The following OPA1 variants were observed in gnomAD, a reference collection of about 807,000 sequenced individuals.
The protein encoded by OPA1 is dynamin-like GTPase OPA1, mitochondrial.
A neutral mutation model predicts 152.9 loss-of-function variants in OPA1; 59 were observed. That is an observed-to-expected ratio of 0.39 (90% CI 0.31 to 0.48). The LOEUF is 0.48. Among genes scored for constraint, OPA1 ranks in the 20% least tolerant of loss-of-function variants. The pLI, the probability that OPA1 is intolerant of heterozygous loss-of-function variation, is 0.96. For synonymous variants in OPA1, 400 were observed against 389.9 expected, an observed-to-expected ratio of 1.03 and a Z score of -0.31; for missense variants, 1,008 against 1,216.8, an observed-to-expected ratio of 0.83 and a Z score of 2.55.
At chr3:193,598,369 G>A (rs1367843121) in intron 1 of OPA1, among the ~76,000 whole-genome samples, 1 of 152,152 alleles carries the variant, frequency 6.6e-6, no homozygotes, top group African/African-American at 2.4e-5. Flanking sequence ...AGAGAGATAA[G>A]GGGAGATTAG....
At chr3:193,662,614 A>G (rs933337202) in intron 25 of OPA1, among the ~76,000 whole-genome samples, 1 of 152,162 alleles carries the variant, frequency 6.6e-6, no homozygotes, top group Non-Finnish European at 1.5e-5. Context: ...CTACCCTCTC[A>G]TAAGGCAAAT....
chr3:193,678,864 C>T (rs1719637456), intron 29 of OPA1, among the ~76,000 whole-genome samples: 1 of 152,126 alleles, frequency 6.6e-6, no homozygotes, highest in Non-Finnish European at 1.5e-5. Context: ...ATGGGTTGAA[C>T]CTTCCATGCA....
chr3:193,694,892 CTGTT>C lies in OPA1; in HGVS notation c.*297_*300del, dbSNP rs1394754634. 5 of 152,138 alleles carry C rather than the reference CTGTT, an allele frequency of 3.3e-5. No homozygotes were observed. The highest frequency in any genetic ancestry group is 9.7e-5 in the African/African-American group (4 of 41,436). The allele number at this position is 152,138 out of a possible 1,614,324, so 9.4% of individuals were successfully genotyped here. A position where few individuals can be genotyped will look rare whatever the true frequency, so the allele number is the denominator to read the frequency against. On this transcript the variant is annotated 3_prime_UTR_variant, in exon 31 of 31. Coordinates refer to ENST00000361510, the MANE Select transcript of OPA1 (RefSeq NM_130837.3). ...TCCTTGAAGATAAGAAACTTGTTCT[CTGTT>C]TGTTGTCTTATTTGTGGTGGCACTC...
intron 18 of OPA1, among the ~76,000 whole-genome samples, chr3:193,646,080 T>C (rs1001267327): frequency 6.6e-6 from 1 of 152,148 alleles, no homozygotes; most frequent in Non-Finnish European, 1.5e-5. Flanking sequence ...ATTTTACTTA[T>C]AAAGTGGTTT....
At chr3:193,619,023 C>T (rs894086848) in intron 6 of OPA1, 87 bp downstream of exon 6, 2 of 1,046,278 alleles carry the variant, frequency 1.9e-6, no homozygotes, top group African/African-American at 1.6e-5. Flanking sequence ...AAAATGATAA[C>T]ATCTGAGAAG....
At position 193,644,058 on chromosome 3, in the gene OPA1, T is replaced by A; in HGVS notation, c.1561T>A (p.Leu521Met). ...DPHGRRTIFV[L>M]TKVDLAEKNV... ...TCATGGAAGGAGAACCATATTCGTT[T>A]TGACCAAAGTAGACCTGGCAGAGAA... is the stretch of plus-strand genomic sequence containing the variant. Residue 521 changes from leucine to methionine, a missense_variant, in exon 16 of 31, where the codon TTG (leucine) becomes ATG (methionine). Transcript: ENST00000361510. The A allele has an allele frequency of 6.2e-7, 1 of 1,613,894 alleles. No individual in the cohort carries two copies. The highest frequency in any genetic ancestry group is 8.5e-7 in the Non-Finnish European group (1 of 1,179,842).
intron 8 of OPA1, among the ~76,000 whole-genome samples, chr3:193,631,931 A>G (rs561411429): frequency 2.0e-5 from 3 of 152,236 alleles, no homozygotes; most frequent in South Asian, 4.1e-4. Context: ...TTGTCCTTAT[A>G]TAAACTTATG....
In OPA1 at chr3:193,692,016, T is replaced by C. The variant is rs368723053; in HGVS notation, c.2984-47T>C. On this transcript the variant is annotated intron_variant, in intron 29 of 30. Coordinates refer to ENST00000361510, the MANE Select transcript of OPA1 (RefSeq NM_130837.3). ...TAGTAAATAATTACCTCCTGATTTG[T>C]GATACCTTTGAAAAATAAATGTTTT... The C allele has an allele frequency of 6.8e-5, 78 of 1,148,370 alleles. No individual in the cohort carries two copies. In the Admixed American group the frequency reaches 1.2e-3, roughly 18 times the overall value. 71.1% of individuals were successfully genotyped at this position (1,148,370 alleles called of 1,614,324 possible).
chr3:193,693,144 G>T (rs755188358), intron 30 of OPA1, among the ~76,000 whole-genome samples: 14 of 152,306 alleles, frequency 9.2e-5, no homozygotes, highest in Non-Finnish European at 1.3e-4. Flanking sequence ...GCTACGCTCG[G>T]TTCAGGTCAG....
At chr3:193,633,047 T>G (rs957140552) in intron 8 of OPA1, among the ~76,000 whole-genome samples, 1 of 152,178 alleles carries the variant, frequency 6.6e-6, no homozygotes, top group Non-Finnish European at 1.5e-5. Context: ...TTGGTATCTA[T>G]TTATTGAGTC....
chr3:193,647,928 G>A (rs758452556), intron 19 of OPA1, 142 bp from the exon 20 acceptor site: 18 of 679,680 alleles, frequency 2.6e-5, no homozygotes, highest in Non-Finnish European at 3.5e-5. Flanking sequence ...ATTCTGAGAC[G>A]TTGAGATCCC....
chr3:193,657,030 A>G, intron 22 of OPA1, 50 bp from the exon 23 acceptor site: 7 of 1,490,856 alleles, frequency 4.7e-6, no homozygotes, highest in South Asian at 1.2e-5. Flanking sequence ...CATGTTAACC[A>G]TTGAAGTATG....
At chr3:193,642,743 C>A in intron 11 of OPA1, 22 bp from the exon 12 acceptor site, 1 of 1,535,388 alleles carries the variant, frequency 6.5e-7, no homozygotes, top group Non-Finnish European at 9.0e-7. Context: ...ATCATTACCT[C>A]TCAGTTTTCT....
At chr3:193,611,381 G>T (rs1175856111) in intron 1 of OPA1, among the ~76,000 whole-genome samples, 1 of 152,028 alleles carries the variant, frequency 6.6e-6, no homozygotes, top group Non-Finnish European at 1.5e-5. Flanking sequence ...GGAGGATCAC[G>T]AGGTCAGGAG....
intron 1 of OPA1, among the ~76,000 whole-genome samples, chr3:193,613,306 A>G (rs976150445): frequency 3.9e-5 from 6 of 152,194 alleles, no homozygotes; most frequent in African/African-American, 1.4e-4. Context: ...GAACACAAAT[A>G]TAGAAGTATG....
At position 193,671,317 on chromosome 3, in the gene OPA1, G is replaced by T. The variant is rs559406224; in HGVS notation, c.2983+4037G>T. ...TCCTGAAGTACTTCTTACCAAAGAT[G>T]TAGAACTTAAATTCAGTCATAACAA... On this transcript the variant is annotated intron_variant, in intron 29 of 30. Transcript: ENST00000361510. Among the ~76,000 whole-genome samples the T allele has an allele frequency of 2.0e-5, 3 of 152,264 alleles. No homozygotes were observed. The South Asian group carries it at 6.2e-4, about 32-fold the overall frequency.
At chr3:193,628,168 C>T (rs181175633) in intron 7 of OPA1, among the ~76,000 whole-genome samples, 85 of 152,168 alleles carry the variant, frequency 5.6e-4, no homozygotes, top group African/African-American at 2.0e-3. Flanking sequence ...ATGCATAAAA[C>T]CGCAAGTACT....
Position 193,605,584 on chromosome 3 carries a change from G to A in OPA1, c.33-9139G>A, listed in dbSNP as rs75533065. Among the ~76,000 whole-genome samples, 803 of 152,298 alleles carry A rather than the reference G, an allele frequency of 5.3e-3. 6 individuals carry two copies. Among genetic ancestry groups the A allele is most frequent in the African/African-American group, 0.019 (774 of 41,570 alleles). On this transcript the variant is annotated intron_variant, in intron 1 of 30. Coordinates refer to ENST00000361510, the MANE Select transcript of OPA1 (RefSeq NM_130837.3). ...ATTAGGTGTTTTCGAAAGATCAGGGGTATTACAGGCTTGAGTTTCGATCTT... is the reference window on the plus strand; with the variant it reads ...ATTAGGTGTTTTCGAAAGATCAGGGATATTACAGGCTTGAGTTTCGATCTT...
In OPA1 at chr3:193,663,433, A is replaced by G. The variant is rs187158451; in HGVS notation, c.2661+471A>G. ...GATATGACCATTGAGTTCTTTCTCC[A>G]TTGTCCTCTTTTGTTAATGTGAGAA... On this transcript the variant is annotated intron_variant, in intron 26 of 30. Coordinates refer to ENST00000361510, the MANE Select transcript of OPA1 (RefSeq NM_130837.3). Among the ~76,000 whole-genome samples the G allele has an allele frequency of 2.5e-3, 384 of 152,178 alleles. 3 individuals are homozygous for G. Among genetic ancestry groups the G allele is most frequent in the African/African-American group, 8.7e-3 (363 of 41,538 alleles).
Sources: gnomAD v4.1 joint callset for allele counts (sites outside exome capture counted in the v4.1 genomes callset) on GRCh38, gnomAD v4.1.1 for gene constraint, MANE v1.5 for transcripts, NCBI Gene and HGNC (gene_info 2026-07-23, HGNC 2026-07-21) for gene names.